The following SPIDR variants were observed in gnomAD, a reference collection of about 807,000 sequenced individuals.
The protein encoded by SPIDR is DNA repair-scaffolding protein.
Under a neutral mutation model 104.6 loss-of-function variants are expected in SPIDR, and 93 were observed. The observed-to-expected ratio is 0.89, with a 90% CI of 0.75 to 1.06. The LOEUF is 1.06. Ranked by LOEUF, SPIDR falls within the 50% of genes least tolerant of loss-of-function variation. SPIDR has a pLI of 0.00. For synonymous variants in SPIDR, 431 were observed against 416.9 expected (o/e 1.03, Z -0.41); for missense variants, 1,154 against 1,111.2 (o/e 1.04, Z -0.55).
chr8:47,308,169 C>T (rs370688976), intron 5 of SPIDR, among the ~76,000 whole-genome samples: 8 of 152,016 alleles, frequency 5.3e-5, no homozygotes, highest in African/African-American at 1.9e-4. Context: ...TCAGCCGATT[C>T]TCCTGCCTCA....
chr8:47,549,400 T>C (rs1342127283), intron 8 of SPIDR, among the ~76,000 whole-genome samples: 2 of 152,188 alleles, frequency 1.3e-5, no homozygotes, highest in Non-Finnish European at 2.9e-5. Context: ...TGTAAAAGTG[T>C]TCCTATTTCT....
chr8:47,476,394 G>T (rs1319468490), intron 8 of SPIDR, among the ~76,000 whole-genome samples: 1 of 152,158 alleles, frequency 6.6e-6, no homozygotes, highest in Non-Finnish European at 1.5e-5. Flanking sequence ...TTAGGGTGAT[G>T]AGGAGATATG....
intron 6 of SPIDR, among the ~76,000 whole-genome samples, chr8:47,403,074 A>T (rs968972023): frequency 6.6e-6 from 1 of 152,338 alleles, no homozygotes; most frequent in Non-Finnish European, 1.5e-5. Context: ...AACGTAATCC[A>T]TTATATAAAC....
At chr8:47,459,058 T>G (rs1554711679) in intron 8 of SPIDR, among the ~76,000 whole-genome samples, 1 of 152,074 alleles carries the variant, frequency 6.6e-6, no homozygotes, top group East Asian at 1.9e-4. Context: ...TTGTTAAGGG[T>G]TTTTGCTTCT....
At chr8:47,327,822 C>G (rs1413084620) in intron 5 of SPIDR, among the ~76,000 whole-genome samples, 4 of 152,092 alleles carry the variant, frequency 2.6e-5, no homozygotes, top group African/African-American at 9.7e-5. Context: ...CTTGGCCTCC[C>G]AAAGTGCTGG....
At chr8:47,360,984 A>C in intron 5 of SPIDR, 1 of 984,452 alleles carries the variant, frequency 1.0e-6, no homozygotes, top group Non-Finnish European at 1.2e-6. Context: ...ACTTTTAAAA[A>C]ATGCTCATGA....
intron 5 of SPIDR, among the ~76,000 whole-genome samples, chr8:47,367,397 C>T (rs981677049): frequency 2.0e-5 from 3 of 152,210 alleles, no homozygotes; most frequent in Non-Finnish European, 4.4e-5. Flanking sequence ...TTGATTTCAT[C>T]TTTGTGACAC....
At chr8:47,564,225 C>T (rs946378419) in intron 8 of SPIDR, among the ~76,000 whole-genome samples, 2 of 151,820 alleles carry the variant, frequency 1.3e-5, no homozygotes, top group African/African-American at 2.4e-5. Context: ...ACTACAGGTG[C>T]ATACCACCAT....
At chr8:47,435,973 G>A (rs1267829909) in intron 7 of SPIDR, among the ~76,000 whole-genome samples, 1 of 152,124 alleles carries the variant, frequency 6.6e-6, no homozygotes, top group Non-Finnish European at 1.5e-5. Flanking sequence ...TTATTTTTCA[G>A]TTTTCTCATC....
intron 8 of SPIDR, among the ~76,000 whole-genome samples, chr8:47,461,400 C>T (rs1160631441): frequency 1.3e-5 from 2 of 152,182 alleles, no homozygotes; most frequent in Admixed American, 6.5e-5. Flanking sequence ...TCTCGGCTCA[C>T]TCCCGGATTC....
At chr8:47,597,446 C>T (rs1220222657) in intron 9 of SPIDR, among the ~76,000 whole-genome samples, 2 of 152,144 alleles carry the variant, frequency 1.3e-5, no homozygotes. Flanking sequence ...TTTGTTTACA[C>T]CAGCATTACC....
At chr8:47,604,490 G>A (rs931120291) in intron 10 of SPIDR, among the ~76,000 whole-genome samples, 4 of 152,220 alleles carry the variant, frequency 2.6e-5, no homozygotes, top group Non-Finnish European at 5.9e-5. Context: ...ATGGGGCAGG[G>A]CCTAGTGAAA....
chr8:47,701,656 A>G, intron 12 of SPIDR, 65 bp from the exon 13 acceptor site: 1 of 1,493,512 alleles, frequency 6.7e-7, no homozygotes, highest in Non-Finnish European at 9.2e-7. Context: ...AGATTTTAAT[A>G]ATATCTCCTC....
intron 8 of SPIDR, among the ~76,000 whole-genome samples, chr8:47,515,602 T>G (rs1421643881): frequency 6.6e-6 from 1 of 152,204 alleles, no homozygotes; most frequent in Non-Finnish European, 1.5e-5. Context: ...ATAATAGCAC[T>G]TACAGGACTT....
chr8:47,511,004 G>A, intron 8 of SPIDR: 2 of 712,312 alleles, frequency 2.8e-6, no homozygotes. Flanking sequence ...AGAAACACAG[G>A]AGAGAGGCCA....
At chr8:47,408,407 T>A (rs1407149446) in intron 7 of SPIDR, among the ~76,000 whole-genome samples, 1 of 152,184 alleles carries the variant, frequency 6.6e-6, no homozygotes, top group Non-Finnish European at 1.5e-5. Flanking sequence ...CCACAGGCTT[T>A]TTCCACCGTG....
chr8:47,640,992 C>T (rs1307452784), intron 10 of SPIDR, among the ~76,000 whole-genome samples: 1 of 150,400 alleles, frequency 6.6e-6, no homozygotes, highest in Non-Finnish European at 1.5e-5. Context: ...GGATTACAGG[C>T]GGGAGCCACT....
chr8:47,608,729 A>C (rs1189268531), intron 10 of SPIDR, among the ~76,000 whole-genome samples: 1 of 151,270 alleles, frequency 6.6e-6, no homozygotes, highest in East Asian at 1.9e-4. Flanking sequence ...TCTTTTTTTT[A>C]TTTTTTATTT....
At chr8:47,505,859 G>A (rs1459990712) in intron 8 of SPIDR, among the ~76,000 whole-genome samples, 1 of 152,154 alleles carries the variant, frequency 6.6e-6, no homozygotes, top group Non-Finnish European at 1.5e-5. Flanking sequence ...GTTACCTTTT[G>A]TGAATTTTTT....
Sources: gnomAD v4.1 joint callset for allele counts (sites outside exome capture counted in the v4.1 genomes callset) on GRCh38, gnomAD v4.1.1 for gene constraint, MANE v1.5 for transcripts, NCBI Gene and HGNC (gene_info 2026-07-23, HGNC 2026-07-21) for gene names.